The following SAP25 variants were observed in gnomAD, a reference collection of about 807,000 sequenced individuals.
SAP25 encodes the protein Sin3A associated protein 25, also known as histone deacetylase complex subunit SAP25.
In SAP25, 24 loss-of-function variants were observed where a neutral mutation model predicts 31.5. That is an observed-to-expected ratio of 0.76 (90% CI 0.55 to 1.07). The LOEUF (loss-of-function observed/expected upper bound fraction) is 1.07. Among genes scored for constraint, SAP25 ranks in the 50% least tolerant of loss-of-function variants. The probability of loss-of-function intolerance (pLI) is 0.00; values close to 1 mark genes in which losing one functional copy is unlikely to be tolerated. For missense variants in SAP25, 377 were observed against 418.8 expected, an observed-to-expected ratio of 0.90 and a Z score of 0.87; for synonymous variants, 180 against 186.0, an observed-to-expected ratio of 0.97 and a Z score of 0.26.
chr7:100,573,551 A>G, intron 1 of SAP25, 46 bp downstream of exon 1: 1 of 1,232,298 alleles, frequency 8.1e-7, no homozygotes, highest in Non-Finnish European at 1.0e-6. Flanking sequence ...GAAGGCATGG[A>G]GGCCCCCAGT....
chr7:100,573,536 G>A (rs2131141254), intron 1 of SAP25, 61 bp downstream of exon 1: 1 of 1,225,968 alleles, frequency 8.2e-7, no homozygotes. Context: ...CGTAGAGCGC[G>A]TGGTGAAGGC....
rs1383084380 is a variant in SAP25 at position 100,572,676 on chromosome 7, T to A, written c.587A>T (p.Tyr196Phe). ...CACCTGCTGGGGGGCCTTGGACAGG[T>A]ACAGGGGAACACGCTGCCCCCGGGG... Reference protein sequence around the residue: ...LLPRGQRVPLYLSKAPQQMMG... With the variant: ...LLPRGQRVPLFLSKAPQQMMG... The change falls in exon 5 of 6, where the codon TAC (tyrosine) becomes TTC (phenylalanine). Residue 196 changes from tyrosine to phenylalanine, a missense_variant. By Grantham distance (22) the Tyr-to-Phe change is conservative. Coordinates refer to ENST00000622764, the MANE Select transcript of SAP25 (RefSeq NM_001348680.2). This position sits in a 1 kb window ranked among gnomAD's most constrained non-coding sequence, Gnocchi z 4.1. The A allele has an allele frequency of 1.3e-6, 2 of 1,534,186 alleles. No homozygotes were observed. Among genetic ancestry groups the A allele is most frequent in the Non-Finnish European group, 8.7e-7 (1 of 1,145,814 alleles).
In SAP25 at chr7:100,573,694, G is replaced by T; in HGVS notation, c.49C>A (p.Pro17Thr). Residue 17 changes from proline (P) to threonine (T), a missense_variant, in exon 1 of 6, where the codon CCC becomes ACC. Pro to Thr is a conservative substitution (Grantham distance 38). Coordinates refer to ENST00000622764, the MANE Select transcript of SAP25 (RefSeq NM_001348680.2). Reference protein sequence around the residue: ...PRWGAGPEEAPEGPGLPAGKD... With the variant: ...PRWGAGPEEATEGPGLPAGKD... ...CCCGCCGGAAGGCCTGGTCCCTCGGGCGCCTCCTCCGGGCCCGCGCCCCAC... is the reference window on the plus strand; with the variant it reads ...CCCGCCGGAAGGCCTGGTCCCTCGGTCGCCTCCTCCGGGCCCGCGCCCCAC... The T allele has an allele frequency of 8.1e-7, 1 of 1,229,772 alleles. No homozygotes were observed. 76.2% of individuals were successfully genotyped at this position (1,229,772 alleles called of 1,614,324 possible). A position where few individuals can be genotyped will look rare whatever the true frequency, so the allele number is the denominator to read the frequency against.
At position 100,572,465 on chromosome 7, in the gene SAP25, G is replaced by A. The variant is rs1801160472; in HGVS notation, c.716C>T (p.Pro239Leu). ...CAGGCCAGTGAGAGCGATCAGCTCC[G>A]GCCCGCTGAGCCAGGCAGTGGAGGG... ...RGPSTAWLSG[P>L]ELIALTGLLQ... The change falls in exon 6 of 6, where the codon CCG (proline) becomes CTG (leucine). Residue 239 changes from proline (P) to leucine (L), a missense_variant. Transcript: ENST00000622764. This position sits in a 1 kb window ranked among gnomAD's most constrained non-coding sequence, Gnocchi z 4.1. 7.7e-6 allele frequency: 11 copies of A among 1,426,984 alleles called. No homozygotes were observed. The highest frequency in any genetic ancestry group is 2.6e-5 in the East Asian group (1 of 38,640). The allele number at this position is 1,426,984 out of a possible 1,614,324, so 88.4% of individuals were successfully genotyped here.
chr7:100,572,817 G>A lies in SAP25; in HGVS notation c.511+43C>T, dbSNP rs1584398884. 6.7e-7 allele frequency: 1 copy of A among 1,498,000 alleles called. No individual in the cohort carries two copies. The highest frequency in any genetic ancestry group is 2.5e-5 in the East Asian group (1 of 40,510). The allele number at this position is 1,498,000 out of a possible 1,614,324, so 92.8% of individuals were successfully genotyped here. A position where few individuals can be genotyped will look rare whatever the true frequency, so the allele number is the denominator to read the frequency against. ...CACCCCTGGGCACTGGTTCCCAGAGGAGTTGGGGCAGCCTTGCGCCCCCGG... is the reference window on the plus strand; with the variant it reads ...CACCCCTGGGCACTGGTTCCCAGAGAAGTTGGGGCAGCCTTGCGCCCCCGG... On this transcript the variant is annotated intron_variant, in intron 4 of 5. Transcript: ENST00000622764. The surrounding 1 kb of genome is among the most constrained non-coding windows in gnomAD (Gnocchi z 4.1).
In SAP25 at chr7:100,573,179, G is replaced by T. The variant is rs568173547; in HGVS notation, c.284C>A (p.Ala95Asp). The T allele has an allele frequency of 6.5e-7, 1 of 1,532,360 alleles. No homozygotes were observed. The highest frequency in any genetic ancestry group is 2.4e-5 in the East Asian group (1 of 40,878). The allele number at this position is 1,532,360 out of a possible 1,614,324, so 94.9% of individuals were successfully genotyped here. A position where few individuals can be genotyped will look rare whatever the true frequency, so the allele number is the denominator to read the frequency against. Residue 95 changes from alanine to aspartate, a missense_variant, in exon 3 of 6, where the codon GCC becomes GAC. Transcript: ENST00000622764. ...CGCTAGTGGAGTCATCCTCGAGGGGGCCACCTCCCAGGCCACCTGGGGGGA... is the reference window on the plus strand; with the variant it reads ...CGCTAGTGGAGTCATCCTCGAGGGGTCCACCTCCCAGGCCACCTGGGGGGA... ...PRSPQVAWEVAPSRMTPLAPW... is the reference protein window; with the variant it reads ...PRSPQVAWEVDPSRMTPLAPW...
At chr7:100,573,568 C>T in intron 1 of SAP25, 29 bp downstream of exon 1, 1 of 1,233,956 alleles carries the variant, frequency 8.1e-7, no homozygotes, top group Non-Finnish European at 1.0e-6. Flanking sequence ...CAGTCGCTGT[C>T]CCCCCACGGC....
At position 100,573,766 on chromosome 7, in the gene SAP25, G is replaced by A; in HGVS notation, c.-24C>T. 1 of 1,199,418 alleles carries A rather than the reference G, an allele frequency of 8.3e-7. No homozygotes were observed. The highest frequency in any genetic ancestry group is 3.5e-5 in the East Asian group (1 of 28,346). The allele number at this position is 1,199,418 out of a possible 1,614,324, so 74.3% of individuals were successfully genotyped here. On this transcript the variant is annotated 5_prime_UTR_variant, in exon 1 of 6. Coordinates refer to ENST00000622764, the MANE Select transcript of SAP25 (RefSeq NM_001348680.2). The stretch of plus-strand genomic sequence containing the variant: ...ATTCCGCGTTCCCGAGCGCAGGACG[G>A]TACCGCCGTGTCCCCGCCGCCCGGC...
Position 100,572,995 on chromosome 7 carries a change from C to G in SAP25, c.376G>C (p.Gly126Arg). ...RPVWGANCSS[G>R]ASFSGRTLCH... ...AGCGTCCGGCCTGAGAACGAGGCTCCTGAGCTACAGTTGGCCCCCTAGGGT... is the reference window on the plus strand; with the variant it reads ...AGCGTCCGGCCTGAGAACGAGGCTCGTGAGCTACAGTTGGCCCCCTAGGGT... Residue 126 changes from glycine (G) to arginine (R), a missense_variant, in exon 4 of 6, where the codon GGA (glycine) becomes CGA (arginine). Gly to Arg is a moderately radical substitution (Grantham distance 125, BLOSUM62 -2). Transcript: ENST00000622764. The surrounding 1 kb of genome is among the most constrained non-coding windows in gnomAD (Gnocchi z 4.1). 6.7e-7 allele frequency: 1 copy of G among 1,496,638 alleles called. No individual in the cohort carries two copies. The highest frequency in any genetic ancestry group is 2.5e-5 in the East Asian group (1 of 40,532). The allele number at this position is 1,496,638 out of a possible 1,614,324, so 92.7% of individuals were successfully genotyped here.
chr7:100,573,223 G>C lies in SAP25; in HGVS notation c.251-11C>G. ...GGGGGGAACGGGGATCTGGGGGGAC[G>C]CTTGGGGATTATAACAGGCTCACAG... On this transcript the variant is annotated splice_polypyrimidine_tract_variant and intron_variant, in intron 2 of 5. Coordinates refer to ENST00000622764, the MANE Select transcript of SAP25 (RefSeq NM_001348680.2). The C allele has an allele frequency of 6.8e-7, 1 of 1,469,850 alleles. No homozygotes were observed. Among genetic ancestry groups the C allele is most frequent in the Non-Finnish European group, 9.1e-7 (1 of 1,097,664 alleles). 91.1% of individuals were successfully genotyped at this position (1,469,850 alleles called of 1,614,324 possible). A position where few individuals can be genotyped will look rare whatever the true frequency, so the allele number is the denominator to read the frequency against.
rs779952344 is a variant in SAP25 at position 100,572,840 on chromosome 7, C to A, written c.511+20G>T. 5 of 1,478,466 alleles carry A rather than the reference C, an allele frequency of 3.4e-6. No homozygotes were observed. The highest frequency in any genetic ancestry group is 3.6e-6 in the Non-Finnish European group (4 of 1,119,892). The allele number at this position is 1,478,466 out of a possible 1,614,324, so 91.6% of individuals were successfully genotyped here. ...AGGAGTTGGGGCAGCCTTGCGCCCC[C>A]GGGGGACCAAGGGAGGTACCTGCAT... On this transcript the variant is annotated intron_variant, in intron 4 of 5. Coordinates refer to ENST00000622764, the MANE Select transcript of SAP25 (RefSeq NM_001348680.2). The surrounding 1 kb of genome is among the most constrained non-coding windows in gnomAD (Gnocchi z 4.1).
rs1449604409 is a variant in SAP25, at chr7:100,573,643, C to T, written c.100G>A (p.Ala34Thr). Residue 34 changes from alanine to threonine, a missense_variant, in exon 1 of 6, where the codon GCC (alanine) becomes ACC (threonine). Transcript: ENST00000622764. ...AGCTCCCTGGGGGCGTCCGCTCCGG[C>T]GCTCCAGGGCTCGCCCTGGTCCTTG... ...AGKDQGEPWSAGADAPRELGT... is the reference protein window; with the variant it reads ...AGKDQGEPWSTGADAPRELGT... 4.1e-6 allele frequency: 5 copies of T among 1,231,182 alleles called. No individual in the cohort carries two copies. The highest frequency in any genetic ancestry group is 4.0e-6 in the Non-Finnish European group (4 of 987,690). 76.3% of individuals were successfully genotyped at this position (1,231,182 alleles called of 1,614,324 possible). A position where few individuals can be genotyped will look rare whatever the true frequency, so the allele number is the denominator to read the frequency against.
rs1440253969 is a variant in SAP25, at chr7:100,572,766, C to T, written c.512-15G>A. The T allele has an allele frequency of 3.9e-6, 6 of 1,524,038 alleles. No individual in the cohort carries two copies. Among genetic ancestry groups the T allele is most frequent in the South Asian group, 1.2e-5 (1 of 83,620 alleles). 94.4% of individuals were successfully genotyped at this position (1,524,038 alleles called of 1,614,324 possible). A position where few individuals can be genotyped will look rare whatever the true frequency, so the allele number is the denominator to read the frequency against. On this transcript the variant is annotated splice_polypyrimidine_tract_variant and intron_variant, in intron 4 of 5. Coordinates refer to ENST00000622764, the MANE Select transcript of SAP25 (RefSeq NM_001348680.2). This position sits in a 1 kb window ranked among gnomAD's most constrained non-coding sequence, Gnocchi z 4.1. ...CACCGGGAACCCTAGGAGGAAACAC[C>T]ACTAGGGTGGCGGGCTGCGGGCTCC...
At position 100,573,214 on chromosome 7, in the gene SAP25, T is replaced by TG; in HGVS notation, c.251-3dup. On this transcript the variant is annotated splice_region_variant and splice_polypyrimidine_tract_variant and intron_variant, in intron 2 of 5. Transcript: ENST00000622764. ...AGGCCACCTGGGGGGAACGGGGATC[T>TG]GGGGGGACGCTTGGGGATTATAACA... is the stretch of plus-strand genomic sequence containing the variant. The TG allele has an allele frequency of 6.7e-7, 1 of 1,488,468 alleles. No homozygotes were observed. Among genetic ancestry groups the TG allele is most frequent in the Non-Finnish European group, 9.0e-7 (1 of 1,111,638 alleles). The allele number at this position is 1,488,468 out of a possible 1,614,324, so 92.2% of individuals were successfully genotyped here.
At position 100,573,183 on chromosome 7, in the gene SAP25, C is replaced by T. The variant is rs1381698153; in HGVS notation, c.280G>A (p.Val94Met). 1 of 1,530,612 alleles carries T rather than the reference C, an allele frequency of 6.5e-7. No individual in the cohort carries two copies. The highest frequency in any genetic ancestry group is 8.7e-7 in the Non-Finnish European group (1 of 1,143,462). 94.8% of individuals were successfully genotyped at this position (1,530,612 alleles called of 1,614,324 possible). A position where few individuals can be genotyped will look rare whatever the true frequency, so the allele number is the denominator to read the frequency against. The change falls in exon 3 of 6, where the codon GTG becomes ATG. Residue 94 changes from valine (V) to methionine (M), a missense_variant. Coordinates refer to ENST00000622764, the MANE Select transcript of SAP25 (RefSeq NM_001348680.2). ...AGTGGAGTCATCCTCGAGGGGGCCA[C>T]CTCCCAGGCCACCTGGGGGGAACGG... ...DPRSPQVAWE[V>M]APSRMTPLAP...
intron 2 of SAP25, 33 bp from the exon 3 acceptor site, chr7:100,573,245 A>G (rs1240592913): frequency 6.2e-6 from 9 of 1,449,954 alleles, no homozygotes; most frequent in Non-Finnish European, 8.3e-6. Flanking sequence ...TAACAGGCTC[A>G]CAGTCAGTGA....
chr7:100,572,711 G>A lies in SAP25; in HGVS notation c.552C>T (p.Asp184=). 6.5e-7 allele frequency: 1 copy of A among 1,535,928 alleles called. No homozygotes were observed. Among genetic ancestry groups the A allele is most frequent in the Non-Finnish European group, 8.7e-7 (1 of 1,146,496 alleles). The change falls in exon 5 of 6, where the codon GAC becomes GAT. Residue 184 remains aspartate, a synonymous_variant. Coordinates refer to ENST00000622764, the MANE Select transcript of SAP25 (RefSeq NM_001348680.2). The surrounding 1 kb of genome is among the most constrained non-coding windows in gnomAD (Gnocchi z 4.1). ...VVCCEDVFLS[D]PLLPRGQRVP... is the part of the protein sequence containing the mutation. ...CACGCTGCCCCCGGGGCAGCAGAGGGTCCGAGAGGAAGACATCTTCACAGC... is the reference window on the plus strand; with the variant it reads ...CACGCTGCCCCCGGGGCAGCAGAGGATCCGAGAGGAAGACATCTTCACAGC...
Position 100,572,667 on chromosome 7 carries a change from T to C in SAP25, c.596A>G (p.Lys199Arg). The change falls in exon 5 of 6, where the codon AAG (lysine) becomes AGG (arginine). Residue 199 changes from lysine to arginine, a missense_variant. Transcript: ENST00000622764. The surrounding 1 kb of genome is among the most constrained non-coding windows in gnomAD (Gnocchi z 4.1). ...AAGAGCTCTCACCTGCTGGGGGGCCTTGGACAGGTACAGGGGAACACGCTG... is the reference window on the plus strand; with the variant it reads ...AAGAGCTCTCACCTGCTGGGGGGCCCTGGACAGGTACAGGGGAACACGCTG... ...RGQRVPLYLSKAPQQMMGSLK... is the reference protein window; with the variant it reads ...RGQRVPLYLSRAPQQMMGSLK... The C allele has an allele frequency of 6.5e-7, 1 of 1,534,022 alleles. No individual in the cohort carries two copies. Among genetic ancestry groups the C allele is most frequent in the Non-Finnish European group, 8.7e-7 (1 of 1,145,720 alleles).
In SAP25 at chr7:100,573,405, A is replaced by G. The variant is rs1337752076; in HGVS notation, c.147-5T>C. On this transcript the variant is annotated splice_polypyrimidine_tract_variant and splice_region_variant and intron_variant, in intron 1 of 5. Coordinates refer to ENST00000622764, the MANE Select transcript of SAP25 (RefSeq NM_001348680.2). ...CTACGGGATGGGGGCTGTGGGCTGGAGGGGCAGGGACTGAGGCTGCAGCCA... is the reference window on the plus strand; with the variant it reads ...CTACGGGATGGGGGCTGTGGGCTGGGGGGGCAGGGACTGAGGCTGCAGCCA... The G allele has an allele frequency of 1.5e-6, 2 of 1,327,360 alleles. No individual in the cohort carries two copies. Among genetic ancestry groups the G allele is most frequent in the Middle Eastern group, 2.8e-4 (1 of 3,564 alleles). The allele number at this position is 1,327,360 out of a possible 1,614,324, so 82.2% of individuals were successfully genotyped here. A position where few individuals can be genotyped will look rare whatever the true frequency, so the allele number is the denominator to read the frequency against.
Sources: gnomAD v4.1 joint callset for allele counts on GRCh38, gnomAD v4.1.1 for gene constraint, Gnocchi (gnomAD v3.1) non-coding constraint, MANE v1.5 for transcripts, NCBI Gene and HGNC (gene_info 2026-07-23, HGNC 2026-07-21) for gene names.